CACNA1B: variants seen among roughly 807,000 people sequenced by gnomAD.
CACNA1B encodes the protein calcium voltage-gated channel subunit alpha1 B.
A neutral mutation model predicts 247.2 loss-of-function variants in CACNA1B; 70 were observed. The ratio of observed to expected loss-of-function variants is 0.28; its 90% CI spans 0.23 to 0.35. The LOEUF is 0.35. Ranked by LOEUF, CACNA1B falls within the 10% of genes least tolerant of loss-of-function variation. CACNA1B has a pLI of 1.00. For missense variants in CACNA1B, 2,367 were observed against 3,197.4 expected, an observed-to-expected ratio of 0.74 and a Z score of 6.26; for synonymous variants, 1,231 against 1,294.4, an observed-to-expected ratio of 0.95 and a Z score of 1.05.
Position 138,114,508 on chromosome 9 carries a change from G to A in CACNA1B, c.5649+18G>A. ...TCTCCCAGGTAGCTGGCGGCCCTCA[G>A]TTTTCCAGGAAAACTGTGATGCCTC... On this transcript the variant is annotated intron_variant, in intron 41 of 46. Coordinates refer to ENST00000371372, the MANE Select transcript of CACNA1B (RefSeq NM_000718.4). 1 of 1,362,258 alleles carries A rather than the reference G, an allele frequency of 7.3e-7. No individual in the cohort carries two copies. The highest frequency in any genetic ancestry group is 1.0e-6 in the Non-Finnish European group (1 of 973,358). 84.4% of individuals were successfully genotyped at this position (1,362,258 alleles called of 1,614,324 possible).
chr9:138,004,897 C>G (rs1224698084), intron 15 of CACNA1B, among the ~76,000 whole-genome samples: 4 of 152,180 alleles, frequency 2.6e-5, no homozygotes, highest in Admixed American at 6.5e-5. Context: ...CTCAACATCA[C>G]TAATCATCAG....
intron 36 of CACNA1B, among the ~76,000 whole-genome samples, chr9:138,087,713 C>CAA (rs57138546): frequency 3.1e-4 from 11 of 35,450 alleles, no homozygotes; most frequent in South Asian, 1.2e-3. Context: ...GACTCCGTCT[C>CAA]AAAAAAAAAA....
rs1957207609 is a variant in CACNA1B, at chr9:137,899,443, A to G, written c.531-13737A>G. 6.6e-6 allele frequency among the ~76,000 whole-genome samples: 1 copy of G among 152,150 alleles called. No homozygotes were observed. The highest frequency in any genetic ancestry group is 2.1e-4 in the South Asian group (1 of 4,832). On this transcript the variant is annotated intron_variant, in intron 3 of 46. Transcript: ENST00000371372. This position sits in a 1 kb window ranked among gnomAD's most constrained non-coding sequence, Gnocchi z 5.0. ...TCTGCCAACTCCTGAGGGTGTCATG[A>G]GAGTCCCTGGCTTGTAGTAATGGCT...
intron 20 of CACNA1B, among the ~76,000 whole-genome samples, chr9:138,039,867 TA>T (rs1445838241): frequency 1.3e-5 from 2 of 152,212 alleles, no homozygotes; most frequent in African/African-American, 4.8e-5. Flanking sequence ...TCAGGTTTGT[TA>T]GTTGTATTAC....
chr9:138,000,773 C>T (rs374388948), intron 15 of CACNA1B, among the ~76,000 whole-genome samples: 5 of 152,296 alleles, frequency 3.3e-5, no homozygotes, highest in Admixed American at 6.5e-5. Context: ...TCGCCCAACA[C>T]GGCAGGTACG....
At chr9:138,015,607 G>A (rs558178213) in intron 18 of CACNA1B, among the ~76,000 whole-genome samples, 34 of 152,316 alleles carry the variant, frequency 2.2e-4, no homozygotes, top group African/African-American at 7.2e-4. Context: ...CCTGCGGAGC[G>A]GGGCCAATGC....
At chr9:138,074,245 T>C (rs78547363) in intron 34 of CACNA1B, among the ~76,000 whole-genome samples, 179 bp downstream of exon 34, 8 of 131,432 alleles carry the variant, frequency 6.1e-5, no homozygotes, top group African/African-American at 2.3e-4. Context: ...TTTCTTACTC[T>C]TTTTTTTTTT....
At chr9:138,036,396 C>A (rs531439405) in intron 20 of CACNA1B, among the ~76,000 whole-genome samples, 144 of 152,362 alleles carry the variant, frequency 9.5e-4, no homozygotes, top group African/African-American at 3.4e-3. Flanking sequence ...GCCTCGGCCT[C>A]CCAAAGTGCT....
chr9:138,068,221 G>A (rs971757694), intron 31 of CACNA1B, among the ~76,000 whole-genome samples: 2 of 152,200 alleles, frequency 1.3e-5, no homozygotes, highest in South Asian at 4.1e-4. Flanking sequence ...TGATTAACAA[G>A]AAGGGAAGGT....
chr9:137,901,103 TTGTGTCTG>T (rs1957234171), intron 3 of CACNA1B, among the ~76,000 whole-genome samples: 1 of 148,292 alleles, frequency 6.7e-6, no homozygotes, highest in Non-Finnish European at 1.5e-5. Flanking sequence ...CTGTGTGTCC[TTGTGTCTG>T]TGTGTCTGTG....
chr9:137,896,055 C>T (rs1219888182), intron 3 of CACNA1B, among the ~76,000 whole-genome samples: 3 of 151,992 alleles, frequency 2.0e-5, no homozygotes, highest in Admixed American at 6.6e-5. Context: ...CTGGCTAACA[C>T]GGTGAAACCC....
At chr9:137,894,738 C>T (rs1292075638) in intron 3 of CACNA1B, among the ~76,000 whole-genome samples, 1 of 152,112 alleles carries the variant, frequency 6.6e-6, no homozygotes, top group Non-Finnish European at 1.5e-5. Flanking sequence ...AATGTGTCTT[C>T]ATATATTTTG....
intron 6 of CACNA1B, among the ~76,000 whole-genome samples, chr9:137,949,233 G>GTA (rs771706608): frequency 6.7e-5 from 1 of 14,850 alleles, no homozygotes; most frequent in Non-Finnish European, 1.6e-4. Context: ...TGTGTGTGTG[G>GTA]TGTATGCATG....
At chr9:137,968,897 A>G (rs1958113356) in intron 10 of CACNA1B, among the ~76,000 whole-genome samples, 1 of 152,216 alleles carries the variant, frequency 6.6e-6, no homozygotes, top group Non-Finnish European at 1.5e-5. Flanking sequence ...TTTTTCTTGA[A>G]ATAAGCTTTT....
At chr9:137,949,121 AGTGT>A (rs1199038968) in intron 6 of CACNA1B, among the ~76,000 whole-genome samples, 2 of 826 alleles carry the variant, frequency 2.4e-3, no homozygotes, top group Non-Finnish European at 5.6e-3. Context: ...CTGTGTGTCC[AGTGT>A]GTGTGTGTGT....
At chr9:138,068,104 G>T (rs1169683675) in intron 31 of CACNA1B, among the ~76,000 whole-genome samples, 1 of 152,152 alleles carries the variant, frequency 6.6e-6, no homozygotes, top group Non-Finnish European at 1.5e-5. Flanking sequence ...ATAGGTGTGC[G>T]CAAGTCAAAG....
intron 6 of CACNA1B, among the ~76,000 whole-genome samples, chr9:137,936,275 G>T (rs952778549): frequency 6.6e-6 from 1 of 152,168 alleles, no homozygotes; most frequent in African/African-American, 2.4e-5. Context: ...GTGCCTGTTG[G>T]CTGCATAAAG....
Position 138,078,106 on chromosome 9 carries a change from C to G in CACNA1B, c.4950-8C>G. The G allele has an allele frequency of 1.9e-6, 3 of 1,613,170 alleles. No individual in the cohort carries two copies. The highest frequency in any genetic ancestry group is 2.5e-6 in the Non-Finnish European group (3 of 1,179,522). On this transcript the variant is annotated splice_region_variant and splice_polypyrimidine_tract_variant and intron_variant, in intron 35 of 46. Transcript: ENST00000371372. ...CTGTGGGCCTCACAACTCTGCCCTTCTTCTCAGGAGCGCCACGGGGGAGGC... is the reference window on the plus strand; with the variant it reads ...CTGTGGGCCTCACAACTCTGCCCTTGTTCTCAGGAGCGCCACGGGGGAGGC...
intron 12 of CACNA1B, among the ~76,000 whole-genome samples, chr9:137,983,057 A>G (rs900508767): frequency 1.3e-5 from 2 of 152,192 alleles, no homozygotes; most frequent in East Asian, 3.8e-4. Flanking sequence ...CTGTCTTAGC[A>G]TATTCATCGT....
Sources: allele counts gnomAD v4.1 joint callset (sites outside exome capture counted in the v4.1 genomes callset), GRCh38; gene constraint gnomAD v4.1.1; non-coding constraint Gnocchi (gnomAD v3.1); transcripts MANE v1.5; gene names NCBI Gene and HGNC (gene_info 2026-07-23, HGNC 2026-07-21).